The following TRHDE variants were observed in gnomAD, a reference collection of about 807,000 sequenced individuals.
TRHDE encodes the protein thyrotropin releasing hormone degrading enzyme, also known as thyrotropin-releasing hormone-degrading ectoenzyme.
Under a neutral mutation model 125.7 loss-of-function variants are expected in TRHDE, and 72 were observed. That is an observed-to-expected ratio of 0.57 (90% CI 0.47 to 0.70). The LOEUF (loss-of-function observed/expected upper bound fraction) is 0.70, where lower values mean the gene tolerates loss of function less well. Ranked by LOEUF, TRHDE falls within the 30% of genes least tolerant of loss-of-function variation. TRHDE has a pLI of 0.00. For missense variants in TRHDE, 1,110 were observed against 1,327.1 expected, an observed-to-expected ratio of 0.84 and a Z score of 2.54; for synonymous variants, 509 against 509.1, an observed-to-expected ratio of 1.00 and a Z score of 0.00.
intron 3 of TRHDE, among the ~76,000 whole-genome samples, chr12:72,386,282 A>G (rs910804954): frequency 1.2e-4 from 18 of 152,206 alleles, no homozygotes; most frequent in Non-Finnish European, 1.2e-4. Flanking sequence ...TGTTTTGGCC[A>G]TTACAGCTTT....
intron 2 of TRHDE, among the ~76,000 whole-genome samples, chr12:72,302,777 A>C (rs528894782): frequency 1.3e-5 from 2 of 152,284 alleles, no homozygotes; most frequent in East Asian, 3.9e-4. Flanking sequence ...GAGCCTTCTA[A>C]CCACAGATCT....
At chr12:72,127,361 A>G (rs1263055862) in intron 2 of TRHDE, among the ~76,000 whole-genome samples, 1 of 152,200 alleles carries the variant, frequency 6.6e-6, no homozygotes, top group African/African-American at 2.4e-5. Context: ...AAAATAAATC[A>G]TTCTATTAAA....
At chr12:72,616,987 A>G (rs1365460347) in intron 12 of TRHDE, among the ~76,000 whole-genome samples, 2 of 152,124 alleles carry the variant, frequency 1.3e-5, no homozygotes, top group Admixed American at 6.6e-5. Context: ...AAAAAATTGT[A>G]TTACTTTTTC....
intron 2 of TRHDE, among the ~76,000 whole-genome samples, chr12:72,200,413 G>A (rs970159979): frequency 2.0e-5 from 3 of 152,208 alleles, no homozygotes; most frequent in African/African-American, 7.2e-5. Flanking sequence ...TCATCCAAAA[G>A]ATGTGTGTTA....
At chr12:72,107,492 A>T (rs1875214600) in intron 2 of TRHDE, among the ~76,000 whole-genome samples, 1 of 152,128 alleles carries the variant, frequency 6.6e-6, no homozygotes, top group South Asian at 2.1e-4. Context: ...CTGTGACTTC[A>T]TCTGCTGGAT....
chr12:72,423,446 G>A (rs2135829899), intron 3 of TRHDE, among the ~76,000 whole-genome samples: 1 of 152,214 alleles, frequency 6.6e-6, no homozygotes, highest in Middle Eastern at 3.4e-3. Flanking sequence ...ATCTCTTAAG[G>A]TGGTGTGGAT....
chr12:72,115,477 C>A (rs1419370599), intron 2 of TRHDE, among the ~76,000 whole-genome samples: 1 of 152,056 alleles, frequency 6.6e-6, no homozygotes, highest in Non-Finnish European at 1.5e-5. Flanking sequence ...GCTTCCAAAT[C>A]TTGGCTATTG....
chr12:72,546,385 C>A (rs1357713709), intron 7 of TRHDE, among the ~76,000 whole-genome samples: 1 of 151,582 alleles, frequency 6.6e-6, no homozygotes, highest in Non-Finnish European at 1.5e-5. Flanking sequence ...ATAGCCAAGC[C>A]TCTCAAAGAC....
At chr12:72,102,350 C>T (rs921166524) in intron 1 of TRHDE, among the ~76,000 whole-genome samples, 3 of 152,154 alleles carry the variant, frequency 2.0e-5, no homozygotes, top group Non-Finnish European at 4.4e-5. Flanking sequence ...CATACAAAGA[C>T]TCTCCACACG....
intron 2 of TRHDE, among the ~76,000 whole-genome samples, chr12:72,210,170 T>TGATC (rs1202196744): frequency 1.2e-4 from 9 of 73,956 alleles, no homozygotes; most frequent in Non-Finnish European, 2.1e-4. Flanking sequence ...TCTATAAGAT[T>TGATC]GATCTATCTA....
chr12:72,282,548 C>T (rs979473141), intron 1 of TRHDE, among the ~76,000 whole-genome samples: 1 of 152,134 alleles, frequency 6.6e-6, no homozygotes, highest in East Asian at 1.9e-4. Context: ...AACTGGCTCT[C>T]TCTGTTAGAA....
intron 3 of TRHDE, among the ~76,000 whole-genome samples, chr12:72,456,915 G>A (rs950753742): frequency 2.6e-5 from 4 of 151,930 alleles, no homozygotes; most frequent in Non-Finnish European, 5.9e-5. Flanking sequence ...CACTAGTAAT[G>A]GGTTTTGAAA....
chr12:72,429,693 A>G (rs1377893122), intron 3 of TRHDE, among the ~76,000 whole-genome samples: 1 of 151,990 alleles, frequency 6.6e-6, no homozygotes, highest in African/African-American at 2.4e-5. Flanking sequence ...AACACTTGTT[A>G]TTATCTGTCT....
At chr12:72,295,249 G>A (rs1252659713) in intron 2 of TRHDE, among the ~76,000 whole-genome samples, 3 of 151,998 alleles carry the variant, frequency 2.0e-5, no homozygotes, top group African/African-American at 7.2e-5. Context: ...GCAGCACTGG[G>A]GAGCCCCACC....
At chr12:72,435,718 A>G (rs1489561679) in intron 3 of TRHDE, among the ~76,000 whole-genome samples, 1 of 149,382 alleles carries the variant, frequency 6.7e-6, no homozygotes, top group Non-Finnish European at 1.5e-5. Context: ...GTTAATAGGC[A>G]TTTTTTCATA....
intron 1 of TRHDE, chr12:72,274,721 G>A (rs2139410327): frequency 6.6e-6 from 1 of 152,312 alleles, no homozygotes; most frequent in South Asian, 2.1e-4. Flanking sequence ...TGGCTCTTGA[G>A]CCTAGACTTT....
At chr12:72,091,898 G>T (rs1874801219) in intron 1 of TRHDE, among the ~76,000 whole-genome samples, 1 of 152,178 alleles carries the variant, frequency 6.6e-6, no homozygotes, top group Non-Finnish European at 1.5e-5. Flanking sequence ...AATACAAAGG[G>T]CTGTAGAAGC....
chr12:72,319,602 A>T (rs901591015), intron 2 of TRHDE, among the ~76,000 whole-genome samples: 5 of 152,088 alleles, frequency 3.3e-5, no homozygotes, highest in African/African-American at 9.7e-5. Context: ...ATCATCACCT[A>T]TCTGTTTTTA....
rs541613052 is a variant in TRHDE at position 72,606,544 on chromosome 12, C to T, written c.2322-12347C>T. Among the ~76,000 whole-genome samples the T allele has an allele frequency of 6.6e-4, 100 of 152,242 alleles. 1 individual carries two copies. The highest frequency in any genetic ancestry group is 1.7e-3 in the Admixed American group (26 of 15,296). Reference sequence around the variant, plus strand: ...GCTGGAAAGGAAATACTGTTTCCCCCATTTTATAAAGGAAGAAACTGAGAC... The same window carrying T: ...GCTGGAAAGGAAATACTGTTTCCCCTATTTTATAAAGGAAGAAACTGAGAC... On this transcript the variant is annotated intron_variant, in intron 12 of 18. Transcript: ENST00000261180.
Sources: allele counts gnomAD v4.1 joint callset (sites outside exome capture counted in the v4.1 genomes callset), GRCh38; gene constraint gnomAD v4.1.1; transcripts MANE v1.5; gene names NCBI Gene and HGNC (gene_info 2026-07-23, HGNC 2026-07-21).